SIPA1L3: variants seen among roughly 807,000 people sequenced by gnomAD.
SIPA1L3 encodes the protein signal induced proliferation associated 1 like 3.
SIPA1L3 carries 59 observed loss-of-function variants against 150.1 expected under a neutral mutation model. The ratio of observed to expected loss-of-function variants is 0.39; its 90% CI spans 0.32 to 0.49. The LOEUF (loss-of-function observed/expected upper bound fraction) is 0.49, where lower values mean the gene tolerates loss of function less well. SIPA1L3 is among the 20% of genes least tolerant of loss of function. The probability of loss-of-function intolerance (pLI) is 0.86; values close to 1 mark genes in which losing one functional copy is unlikely to be tolerated. For synonymous variants in SIPA1L3, 1,070 were observed against 1,077.6 expected, an observed-to-expected ratio of 0.99 and a Z score of 0.14; for missense variants, 2,211 against 2,489.5, an observed-to-expected ratio of 0.89 and a Z score of 2.38.
intron 9 of SIPA1L3, among the ~76,000 whole-genome samples, chr19:38,120,669 C>T (rs1275663779): frequency 6.6e-6 from 1 of 152,188 alleles, no homozygotes; most frequent in East Asian, 1.9e-4. Flanking sequence ...GTTTAACTTG[C>T]CCTATTAAAA....
chr19:38,147,232 T>C (rs927862748), intron 12 of SIPA1L3, among the ~76,000 whole-genome samples: 2 of 151,992 alleles, frequency 1.3e-5, no homozygotes, highest in African/African-American at 2.4e-5. Flanking sequence ...AGCTAATTTT[T>C]GTATTTTTAG....
chr19:37,931,638 T>C (rs1427447403), intron 1 of SIPA1L3, among the ~76,000 whole-genome samples: 5 of 151,734 alleles, frequency 3.3e-5, no homozygotes, highest in Admixed American at 2.6e-4. Context: ...TAATCCCAGC[T>C]ACTTGGGAGG....
intron 15 of SIPA1L3, among the ~76,000 whole-genome samples, chr19:38,171,048 T>C (rs960180834): frequency 2.6e-5 from 4 of 152,026 alleles, no homozygotes; most frequent in Non-Finnish European, 5.9e-5. Flanking sequence ...TATACACACA[T>C]ATGTTTTTTT....
intron 15 of SIPA1L3, among the ~76,000 whole-genome samples, chr19:38,169,095 A>G (rs1972269953): frequency 6.6e-6 from 1 of 152,202 alleles, no homozygotes. Context: ...TTGATTTAAA[A>G]AAACATATCC....
At chr19:38,033,670 C>T (rs1654348) in intron 2 of SIPA1L3, among the ~76,000 whole-genome samples, 21 of 14,162 alleles carry the variant, frequency 1.5e-3, no homozygotes, top group South Asian at 0.013. Context: ...GAGAGAGATA[C>T]GTATGTGTGT....
intron 1 of SIPA1L3, among the ~76,000 whole-genome samples, chr19:37,925,699 T>G (rs1255326151): frequency 1.3e-5 from 2 of 149,914 alleles, no homozygotes; most frequent in Admixed American, 1.4e-4. Flanking sequence ...GTTCAAGCGA[T>G]TCTCCTGCCT....
chr19:38,162,958 T>C (rs889127738), intron 14 of SIPA1L3, among the ~76,000 whole-genome samples: 34 of 152,204 alleles, frequency 2.2e-4, no homozygotes, highest in African/African-American at 7.7e-4. Context: ...AAATGTAGTC[T>C]TGCATGGCCC....
At chr19:38,203,753 G>C (rs1011011905) in intron 20 of SIPA1L3, 7 of 197,160 alleles carry the variant, frequency 3.6e-5, no homozygotes, top group African/African-American at 1.6e-4. Context: ...TGCTTCCTGT[G>C]CCTGGACCCG....
intron 15 of SIPA1L3, among the ~76,000 whole-genome samples, chr19:38,172,398 C>T (rs1382888356): frequency 1.3e-5 from 2 of 152,186 alleles, no homozygotes; most frequent in Admixed American, 1.3e-4. Context: ...GCATCCTTCC[C>T]TTATGGAGCT....
chr19:38,110,463 G>GC (rs1405714399), intron 8 of SIPA1L3, 79 bp downstream of exon 8: 29 of 1,215,690 alleles, frequency 2.4e-5, no homozygotes, highest in East Asian at 4.8e-5. Flanking sequence ...CCAGTACAGG[G>GC]CCCCCCCACA....
intron 1 of SIPA1L3, among the ~76,000 whole-genome samples, chr19:37,936,052 A>C (rs1385499396): frequency 1.3e-5 from 2 of 151,950 alleles, no homozygotes; most frequent in Non-Finnish European, 2.9e-5. Flanking sequence ...TGGTTGCTCT[A>C]CCTCCAGCCT....
At chr19:38,075,803 A>G (rs73630824) in intron 2 of SIPA1L3, among the ~76,000 whole-genome samples, 2,953 of 151,592 alleles carry the variant, frequency 0.019, 101 homozygotes, top group African/African-American at 0.068. Context: ...ACAGAAAAGA[A>G]AAGATCTTGC....
At chr19:38,043,986 G>A (rs1224357878) in intron 2 of SIPA1L3, among the ~76,000 whole-genome samples, 4 of 152,230 alleles carry the variant, frequency 2.6e-5, no homozygotes, top group African/African-American at 9.7e-5. Context: ...TCCTGCTGTG[G>A]TCCATGGTCC....
At chr19:38,014,743 C>T (rs1480088596) in intron 1 of SIPA1L3, among the ~76,000 whole-genome samples, 2 of 151,302 alleles carry the variant, frequency 1.3e-5, no homozygotes, top group African/African-American at 2.4e-5. Flanking sequence ...AATCTCGGCT[C>T]ACTGCAAGCT....
chr19:38,196,654 A>AGCATGGAGGTCAAGGGC (rs1972955447), intron 18 of SIPA1L3, among the ~76,000 whole-genome samples: 5 of 141,880 alleles, frequency 3.5e-5, no homozygotes, highest in Admixed American at 2.1e-4. Flanking sequence ...AGGTCAAGGG[A>AGCATGGAGGTCAAGGGC]AGAGCAAGGA....
chr19:38,174,258 C>T (rs1972391705), intron 15 of SIPA1L3, among the ~76,000 whole-genome samples: 1 of 152,132 alleles, frequency 6.6e-6, no homozygotes, highest in African/African-American at 2.4e-5. Flanking sequence ...CCCCACAGGC[C>T]ACAGGGGCAA....
At chr19:38,205,966 CGGCCT>C in intron 21 of SIPA1L3, 126 bp from the exon 22 acceptor site, 1 of 1,079,006 alleles carries the variant, frequency 9.3e-7, no homozygotes, top group Non-Finnish European at 1.3e-6. Flanking sequence ...ATGTGTGCCC[CGGCCT>C]GGCCTGGCTC....
intron 1 of SIPA1L3, among the ~76,000 whole-genome samples, chr19:38,003,003 A>C (rs1158591423): frequency 6.6e-6 from 1 of 151,800 alleles, no homozygotes; most frequent in African/African-American, 2.4e-5. Context: ...AAAATTAGCC[A>C]GGCGTGGTGG....
Position 38,195,796 on chromosome 19 carries a change from CCCCCCG to C in SIPA1L3, c.4840+2022_4840+2027del, listed in dbSNP as rs1190821129. On this transcript the variant is annotated intron_variant, in intron 18 of 21. Transcript: ENST00000222345. ...TCAGGCACCACCACAGGCCCCGTCCCCCCCCGCCCCCCCGGGTTTCTCTCACCCCCC... is the reference window on the plus strand; with the variant it reads ...TCAGGCACCACCACAGGCCCCGTCCCCCCCCCCGGGTTTCTCTCACCCCCC... Among the ~76,000 whole-genome samples, 6 of 109,988 alleles carry C rather than the reference CCCCCCG, an allele frequency of 5.5e-5. 1 individual carries two copies. The highest frequency in any genetic ancestry group is 5.6e-4 in the East Asian group (2 of 3,580). The allele number at this position is 109,988 out of a possible 152,430, so 72.2% of individuals were successfully genotyped here. A position where few individuals can be genotyped will look rare whatever the true frequency, so the allele number is the denominator to read the frequency against.
Sources: allele counts gnomAD v4.1 joint callset (sites outside exome capture counted in the v4.1 genomes callset), GRCh38; gene constraint gnomAD v4.1.1; transcripts MANE v1.5; gene names NCBI Gene and HGNC (gene_info 2026-07-23, HGNC 2026-07-21).